Variants in TRPC7 observed in about 807,000 individuals in gnomAD.
TRPC7 encodes the protein transient receptor potential cation channel subfamily C member 7.
TRPC7 carries 42 observed loss-of-function variants against 90.1 expected under a neutral mutation model. That is an observed-to-expected ratio of 0.47 (90% confidence interval 0.36 to 0.60). The LOEUF is 0.60. TRPC7 is among the 20% of genes least tolerant of loss of function. The pLI is 0.00. For missense variants in TRPC7, 955 were observed against 1,112.3 expected, an observed-to-expected ratio of 0.86 and a Z score of 2.01; for synonymous variants, 451 against 436.3, an observed-to-expected ratio of 1.03 and a Z score of -0.42.
intron 11 of TRPC7, 35 bp downstream of exon 11, chr5:136,216,165 T>C (rs768761319): frequency 1.9e-6 from 3 of 1,573,506 alleles, no homozygotes; most frequent in South Asian, 2.3e-5. Context: ...TGTGTTGTTT[T>C]AAATCACCAC....
At chr5:136,244,524 C>A (rs752233275) in intron 7 of TRPC7, among the ~76,000 whole-genome samples, 1 of 152,222 alleles carries the variant, frequency 6.6e-6, no homozygotes, top group Non-Finnish European at 1.5e-5. Flanking sequence ...CTCTGGCTTC[C>A]TTTCTCCTGT....
chr5:136,354,785 C>A (rs985394107), intron 2 of TRPC7, among the ~76,000 whole-genome samples: 6 of 152,206 alleles, frequency 3.9e-5, no homozygotes, highest in African/African-American at 1.4e-4. Context: ...CCTGAATGGC[C>A]TACAGGAAGC....
intron 2 of TRPC7, among the ~76,000 whole-genome samples, chr5:136,338,207 T>C (rs1047597922): frequency 1.3e-5 from 2 of 152,162 alleles, no homozygotes; most frequent in African/African-American, 4.8e-5. Context: ...GATGGAGAGA[T>C]CATAGTAACG....
At chr5:136,305,020 C>G (rs1188318604) in intron 3 of TRPC7, among the ~76,000 whole-genome samples, 1 of 140,320 alleles carries the variant, frequency 7.1e-6, no homozygotes, top group Non-Finnish European at 1.6e-5. Context: ...GCTCAACTCA[C>G]TCTCTACATT....
intron 2 of TRPC7, among the ~76,000 whole-genome samples, chr5:136,352,858 C>T (rs1213048689): frequency 6.6e-6 from 1 of 152,196 alleles, no homozygotes; most frequent in Non-Finnish European, 1.5e-5. Flanking sequence ...CCCAACCAGC[C>T]TGTAAGTTTC....
At chr5:136,227,832 C>A (rs1435144338) in intron 8 of TRPC7, among the ~76,000 whole-genome samples, 2 of 152,182 alleles carry the variant, frequency 1.3e-5, no homozygotes, top group African/African-American at 4.8e-5. Context: ...CATAGCAATA[C>A]CTATCGAATA....
At chr5:136,214,783 C>T (rs960811268) in intron 11 of TRPC7, among the ~76,000 whole-genome samples, 9 of 152,160 alleles carry the variant, frequency 5.9e-5, no homozygotes, top group South Asian at 2.1e-4. Context: ...ACCCAATGAC[C>T]AGGCTCTTTC....
intron 8 of TRPC7, among the ~76,000 whole-genome samples, chr5:136,229,310 C>T (rs183016208): frequency 5.8e-4 from 89 of 152,310 alleles, no homozygotes; most frequent in African/African-American, 1.9e-3. Flanking sequence ...TCAATCTATG[C>T]TCTTGCAGCG....
intron 3 of TRPC7, among the ~76,000 whole-genome samples, chr5:136,294,877 T>C (rs2149827005): frequency 6.6e-6 from 1 of 152,322 alleles, no homozygotes; most frequent in African/African-American, 2.4e-5. Context: ...TAGCAAAGAC[T>C]TGGAATCAAC....
intron 2 of TRPC7, among the ~76,000 whole-genome samples, chr5:136,323,850 A>T (rs957118219): frequency 6.6e-6 from 1 of 152,116 alleles, no homozygotes; most frequent in Non-Finnish European, 1.5e-5. Flanking sequence ...AAGCTTGTTC[A>T]TATCTACAAG....
chr5:136,254,895 G>A (rs1285385636), intron 5 of TRPC7, among the ~76,000 whole-genome samples: 1 of 152,180 alleles, frequency 6.6e-6, no homozygotes, highest in African/African-American at 2.4e-5. Context: ...AACATTAAAT[G>A]GAAGAAGTTG....
chr5:136,251,939 G>T (rs900289831), intron 5 of TRPC7, 57 bp from the exon 6 acceptor site: 19 of 1,389,884 alleles, frequency 1.4e-5, no homozygotes, highest in Non-Finnish European at 1.8e-5. Flanking sequence ...ATTTGTGACC[G>T]CATGAGGTCA....
intron 7 of TRPC7, among the ~76,000 whole-genome samples, chr5:136,243,999 C>T (rs1367001906): frequency 3.9e-5 from 6 of 152,128 alleles, no homozygotes; most frequent in Non-Finnish European, 7.4e-5. Flanking sequence ...TTCCCCATCA[C>T]TCTTCCTAAT....
chr5:136,213,482 T>C lies in TRPC7; in HGVS notation c.2542A>G (p.Asn848Asp). 1 of 1,614,022 alleles carries C rather than the reference T, an allele frequency of 6.2e-7. No individual in the cohort carries two copies. Residue 848 changes from asparagine (N) to aspartate (D), a missense_variant, in exon 12 of 12, where the codon AAC (asparagine) becomes GAC (aspartate). Transcript: ENST00000513104. ...ACCCTCAGGTGGTCTTTGTTTAAGT[T>C]CTTTCCAAACTTCTCGCTGAGTTGT... ...IQQLSEKFGK[N>D]LNKDHLRVNK...
At chr5:136,226,761 C>G (rs1226098850) in intron 8 of TRPC7, among the ~76,000 whole-genome samples, 1 of 152,140 alleles carries the variant, frequency 6.6e-6, no homozygotes, top group African/African-American at 2.4e-5. Context: ...TAAAATTGAA[C>G]AGGTGAAATT....
intron 11 of TRPC7, among the ~76,000 whole-genome samples, chr5:136,215,585 G>A (rs986242234): frequency 1.3e-5 from 2 of 152,188 alleles, no homozygotes; most frequent in African/African-American, 4.8e-5. Context: ...CACTTTGGGA[G>A]GCTGAGATGG....
intron 3 of TRPC7, among the ~76,000 whole-genome samples, chr5:136,287,007 G>A (rs1001577665): frequency 6.6e-6 from 1 of 152,124 alleles, no homozygotes. Context: ...CCTTCTGGTT[G>A]TCAGACACAC....
intron 3 of TRPC7, among the ~76,000 whole-genome samples, 187 bp downstream of exon 3, chr5:136,315,409 TG>T (rs1758977669): frequency 6.6e-6 from 1 of 151,648 alleles, no homozygotes; most frequent in African/African-American, 2.4e-5. Flanking sequence ...GGGGCTGAGG[TG>T]GGAAGGGATG....
chr5:136,343,772 C>T (rs1000721043), intron 2 of TRPC7, among the ~76,000 whole-genome samples: 1 of 151,968 alleles, frequency 6.6e-6, no homozygotes, highest in African/African-American at 2.4e-5. Flanking sequence ...CCTTTTTGCC[C>T]CTACACAGAT....
Sources: allele counts gnomAD v4.1 joint callset (sites outside exome capture counted in the v4.1 genomes callset), GRCh38; gene constraint gnomAD v4.1.1; transcripts MANE v1.5; gene names NCBI Gene and HGNC (gene_info 2026-07-23, HGNC 2026-07-21).